Variants in SMIM22 observed in about 807,000 individuals in gnomAD.
SMIM22 encodes the protein small integral membrane protein 22.
SMIM22 carries 16 observed loss-of-function variants against 8.4 expected under a neutral mutation model. The observed-to-expected ratio is 1.90, with a 90% confidence interval of 1.29 to 2.89. The LOEUF is 2.89. SMIM22 is among the 30% of genes most tolerant of loss of function. The pLI, the probability that SMIM22 is intolerant of heterozygous loss-of-function variation, is 0.00. For missense variants in SMIM22, 159 were observed against 107.5 expected, an observed-to-expected ratio of 1.48 and a Z score of -2.12; for synonymous variants, 67 against 47.6, an observed-to-expected ratio of 1.41 and a Z score of -1.68.
Position 4,795,781 on chromosome 16 carries a change from T to C in SMIM22, c.47T>C (p.Leu16Pro), listed in dbSNP as rs549883516. ...CTGGAGGCCACGGTTCAGGAAGTCC[T>C]GGGGAGACTGAAGAGCCACCAGTTT... ...EELEATVQEV[L>P]GRLKSHQFFQ... is the part of the protein sequence containing the mutation. Residue 16 changes from leucine to proline, a missense_variant, in exon 2 of 4, where the codon CTG (leucine) becomes CCG (proline). Transcript: ENST00000586005. 164 of 1,535,956 alleles carry C rather than the reference T, an allele frequency of 1.1e-4. 1 individual carries two copies. The South Asian group carries it at 1.9e-3, about 18-fold the overall frequency.
At position 4,795,796 on chromosome 16, in the gene SMIM22, G is replaced by A. The variant is rs569330801; in HGVS notation, c.62G>A (p.Ser21Asn). The change falls in exon 2 of 4, where the codon AGC (serine) becomes AAC (asparagine). Residue 21 changes from serine (S) to asparagine (N), a missense_variant. Physicochemically the swap from Ser to Asn is conservative, Grantham distance 46. Transcript: ENST00000586005. ...CAGGAAGTCCTGGGGAGACTGAAGA[G>A]CCACCAGTTTTTCCAGTCCACATGG... ...TVQEVLGRLK[S>N]HQFFQSTWDT... The A allele has an allele frequency of 1.3e-6, 2 of 1,536,006 alleles. No individual in the cohort carries two copies. The highest frequency in any genetic ancestry group is 2.4e-5 in the South Asian group (2 of 84,068).
At chr16:4,790,599 C>T (rs1368051717), upstream of SMIM22, among the ~76,000 whole-genome samples, 1 of 152,110 alleles carries the variant, frequency 6.6e-6, no homozygotes, top group Non-Finnish European at 1.5e-5. Context: ...ACCAGCCTGG[C>T]CAACATGGCG....
intron 2 of SMIM22, chr16:4,788,786 T>G (rs955643042): frequency 1.2e-4 from 19 of 152,242 alleles, no homozygotes; most frequent in African/African-American, 3.9e-4. Flanking sequence ...GTGCTGTTAC[T>G]ACCCCAAGCT....
intron 3 of SMIM22, 44 bp downstream of exon 3, chr16:4,796,092 G>T: frequency 6.5e-7 from 1 of 1,535,574 alleles, no homozygotes; most frequent in Non-Finnish European, 8.7e-7. Flanking sequence ...ACTGTACTGG[G>T]GGTGGAGGCG....
chr16:4,796,351 G>C lies in SMIM22; in HGVS notation c.*120G>C. The C allele has an allele frequency of 8.5e-7, 1 of 1,169,888 alleles. No homozygotes were observed. The highest frequency in any genetic ancestry group is 2.3e-5 in the Admixed American group (1 of 43,540). The allele number at this position is 1,169,888 out of a possible 1,614,324, so 72.5% of individuals were successfully genotyped here. On this transcript the variant is annotated 3_prime_UTR_variant, in exon 4 of 4. Transcript: ENST00000586005. ...GCGGGACTCGCCGCCCCACTCAGGT[G>C]GCCACCTGGCCTCTCCAAGCCTTCA...
At chr16:4,793,822 G>C (rs539694966), upstream of SMIM22, among the ~76,000 whole-genome samples, 1 of 152,230 alleles carries the variant, frequency 6.6e-6, no homozygotes, top group East Asian at 1.9e-4. Context: ...TGTCACCCAC[G>C]CTAGAGTGCA....
chr16:4,795,833 CTTCA>C lies in SMIM22; in HGVS notation c.102_105del (p.Phe34LeufsTer37), dbSNP rs748977164. The C allele has an allele frequency of 2.1e-4, 328 of 1,535,798 alleles. 1 individual carries two copies. The highest frequency in any genetic ancestry group is 3.8e-4 in the African/African-American group (28 of 73,012). On this transcript the variant is annotated frameshift_variant, in exon 2 of 4. Coordinates refer to ENST00000586005, the MANE Select transcript of SMIM22 (RefSeq NM_001253794.2). LOFTEE classifies it high-confidence loss of function. ...TCCAGTCCACATGGGACACTGTTGC[CTTCA>C]TTGTTTTCCTCACCTTCATGGGTAA...
upstream of SMIM22, among the ~76,000 whole-genome samples, chr16:4,791,771 T>C (rs981539610): frequency 2.6e-5 from 4 of 152,104 alleles, no homozygotes; most frequent in African/African-American, 9.7e-5. Context: ...CCCTGCAACC[T>C]CTGCCTCCCG....
chr16:4,792,065 A>C (rs1242896845), upstream of SMIM22, among the ~76,000 whole-genome samples: 1 of 152,114 alleles, frequency 6.6e-6, no homozygotes, highest in Non-Finnish European at 1.5e-5. Flanking sequence ...AGTAACAACA[A>C]ACATTAGAAA....
chr16:4,795,492 G>A lies in SMIM22; in HGVS notation c.-21+43G>A, dbSNP rs962652639. On this transcript the variant is annotated intron_variant, in intron 1 of 3. Coordinates refer to ENST00000586005, the MANE Select transcript of SMIM22 (RefSeq NM_001253794.2). ...GGCTGGGCTGCCAGGGGGAGAGAGAGGGGAGATGACAGTGGCTGGGGAGAA... is the reference window on the plus strand; with the variant it reads ...GGCTGGGCTGCCAGGGGGAGAGAGAAGGGAGATGACAGTGGCTGGGGAGAA... 17 of 564,622 alleles carry A rather than the reference G, an allele frequency of 3.0e-5. No individual in the cohort carries two copies. The African/African-American group carries it at 3.1e-4, about 10-fold the overall frequency. 35.0% of individuals were successfully genotyped at this position (564,622 alleles called of 1,614,324 possible).
In SMIM22 at chr16:4,795,982, C is replaced by T; in HGVS notation, c.159C>T (p.Ala53=). 6.6e-7 allele frequency: 1 copy of T among 1,506,372 alleles called. No homozygotes were observed. The highest frequency in any genetic ancestry group is 8.8e-7 in the Non-Finnish European group (1 of 1,131,414). 93.3% of individuals were successfully genotyped at this position (1,506,372 alleles called of 1,614,324 possible). A position where few individuals can be genotyped will look rare whatever the true frequency, so the allele number is the denominator to read the frequency against. ...TGCTCCTGCTGCTGCTGGTCGTCGC[C>T]CACTGCTGCTGCTGCAGCTCCCCCG... is the stretch of plus-strand genomic sequence containing the variant. ...TVLLLLLLVV[A]HCCCCSSPGP... Residue 53 remains alanine, a synonymous_variant, in exon 3 of 4, where the codon GCC becomes GCT. Transcript: ENST00000586005.
chr16:4,791,920 C>G (rs2082556912), upstream of SMIM22, among the ~76,000 whole-genome samples: 1 of 152,124 alleles, frequency 6.6e-6, no homozygotes, highest in Non-Finnish European at 1.5e-5. Flanking sequence ...TTTCTAACCT[C>G]AGGTGATCTG....
At chr16:4,795,484 G>A (rs1004338177) in intron 1 of SMIM22, 35 bp downstream of exon 1, 4 of 540,932 alleles carry the variant, frequency 7.4e-6, no homozygotes, top group Non-Finnish European at 9.7e-6. Flanking sequence ...CTGCCAGGGG[G>A]AGAGAGAGGG....
At chr16:4,790,798 A>G (rs1219798490), upstream of SMIM22, among the ~76,000 whole-genome samples, 1 of 152,220 alleles carries the variant, frequency 6.6e-6, no homozygotes, top group African/African-American at 2.4e-5. Context: ...CAGTAAATAA[A>G]TAAATAAATA....
At chr16:4,789,548 G>C (rs552771830) in intron 2 of SMIM22, among the ~76,000 whole-genome samples, 40 of 152,168 alleles carry the variant, frequency 2.6e-4, no homozygotes, top group African/African-American at 8.4e-4. Context: ...GGATGGTCTC[G>C]ATCTCCTGAT....
upstream of SMIM22, among the ~76,000 whole-genome samples, chr16:4,790,808 AAAT>A (rs2082539617): frequency 6.6e-6 from 1 of 152,134 alleles, no homozygotes; most frequent in African/African-American, 2.4e-5. Context: ...ATAAATAAAT[AAAT>A]AAGTAAGTAA....
At chr16:4,796,151 C>G (rs758556325) in intron 3 of SMIM22, 39 bp from the exon 4 acceptor site, 4 of 1,535,924 alleles carry the variant, frequency 2.6e-6, no homozygotes, top group Admixed American at 3.9e-5. Flanking sequence ...TAGGGAACAA[C>G]GAGCGAACCT....
chr16:4,789,382 G>A (rs1415711841), intron 2 of SMIM22, among the ~76,000 whole-genome samples: 2 of 150,554 alleles, frequency 1.3e-5, no homozygotes, highest in Admixed American at 6.6e-5. Flanking sequence ...CTGGAGTTTA[G>A]TGGCATGATC....
chr16:4,792,439 C>T (rs1312632989), upstream of SMIM22, among the ~76,000 whole-genome samples: 2 of 151,096 alleles, frequency 1.3e-5, no homozygotes, highest in Non-Finnish European at 1.5e-5. Context: ...ATCTGCCCCC[C>T]TCGGCCTCCC....
Sources: gnomAD v4.1 joint callset for allele counts (sites outside exome capture counted in the v4.1 genomes callset) on GRCh38, gnomAD v4.1.1 for gene constraint, MANE v1.5 for transcripts, NCBI Gene and HGNC (gene_info 2026-07-23, HGNC 2026-07-21) for gene names.